Variants in ANKRD45 observed in about 807,000 individuals in gnomAD.
ANKRD45 encodes ankyrin repeat domain 45, also known as ankyrin repeat domain-containing protein 45.
In ANKRD45, 21 loss-of-function variants were observed where a neutral mutation model predicts 28.1. The observed-to-expected ratio is 0.75, with a 90% CI of 0.53 to 1.08. The LOEUF is 1.08. Ranked by LOEUF, ANKRD45 falls within the 50% of genes least tolerant of loss-of-function variation. The pLI is 0.00. For synonymous variants in ANKRD45, 86 were observed against 103.9 expected (o/e 0.83, Z 1.05); for missense variants, 261 against 308.7 (o/e 0.85, Z 1.16).
intron 1 of ANKRD45, among the ~76,000 whole-genome samples, chr1:173,662,823 G>C (rs1669839319): frequency 6.6e-6 from 1 of 152,056 alleles, no homozygotes. Flanking sequence ...TAAGAGGAGA[G>C]GGAGGAAAAA....
At chr1:173,696,885 T>C in the ANKRD45 span, among the ~76,000 whole-genome samples, 3 of 152,120 alleles carry the variant, frequency 2.0e-5, no homozygotes. Context: ...AAGGAGCATG[T>C]TCAAACCCAC....
intron 3 of ANKRD45, among the ~76,000 whole-genome samples, chr1:173,628,896 T>C (rs901468762): frequency 1.3e-5 from 2 of 152,188 alleles, no homozygotes; most frequent in Non-Finnish European, 2.9e-5. Flanking sequence ...CAGGGGTGCT[T>C]GTCTTACCCC....
intron 3 of ANKRD45, among the ~76,000 whole-genome samples, chr1:173,640,986 T>A (rs1348512982): frequency 1.3e-5 from 2 of 152,222 alleles, no homozygotes; most frequent in Non-Finnish European, 2.9e-5. Flanking sequence ...TTCACTTCTA[T>A]GGTATGGGGA....
the ANKRD45 span, among the ~76,000 whole-genome samples, chr1:173,714,227 T>C: frequency 2.0e-5 from 3 of 152,210 alleles, no homozygotes; most frequent in South Asian, 2.1e-4. Flanking sequence ...TTCTAAATAT[T>C]AATATACGGT....
chr1:173,628,837 C>A lies in ANKRD45; in HGVS notation c.497-1678G>T, dbSNP rs563668794. On this transcript the variant is annotated intron_variant, in intron 3 of 5. Coordinates refer to ENST00000333279, the MANE Select transcript of ANKRD45 (RefSeq NM_198493.3). ...CACAGGCCTTGGGCAAGACCCAGTGCCATGCTGGCTTCAGGTCTGACCCAG... is the reference window on the plus strand; with the variant it reads ...CACAGGCCTTGGGCAAGACCCAGTGACATGCTGGCTTCAGGTCTGACCCAG... 1.1e-3 allele frequency among the ~76,000 whole-genome samples: 169 copies of A among 152,312 alleles called. 3 individuals carry two copies. Among genetic ancestry groups the A allele is most frequent in the Admixed American group, 9.7e-3 (149 of 15,300 alleles).
chr1:173,706,729 T>A, the ANKRD45 span, among the ~76,000 whole-genome samples: 1 of 152,172 alleles, frequency 6.6e-6, no homozygotes, highest in Non-Finnish European at 1.5e-5. Context: ...GTCTTTTAGA[T>A]TCTTTCTAAT....
chr1:173,636,782 T>C, intron 3 of ANKRD45: 2 of 1,360,364 alleles, frequency 1.5e-6, no homozygotes, highest in Non-Finnish European at 2.0e-6. Flanking sequence ...TATTGAACTC[T>C]ACTGTTTTAT....
At chr1:173,669,995 T>C, upstream of ANKRD45, 1 of 166,536 alleles carries the variant, frequency 6.0e-6, no homozygotes. Flanking sequence ...GGGTGGCGTG[T>C]CGGTTTTTTC....
chr1:173,637,045 A>C (rs1283440772), intron 3 of ANKRD45: 5 of 1,453,470 alleles, frequency 3.4e-6, no homozygotes, highest in Non-Finnish European at 2.8e-6. Context: ...AAATAAATGC[A>C]TATGCAAATG....
the ANKRD45 span, among the ~76,000 whole-genome samples, chr1:173,703,238 C>T: frequency 2.0e-5 from 3 of 150,054 alleles, no homozygotes; most frequent in Non-Finnish European, 4.4e-5. Flanking sequence ...GAGTCTTGCT[C>T]TGTCGCCCAG....
At chr1:173,690,260 G>C in the ANKRD45 span, among the ~76,000 whole-genome samples, 2 of 152,014 alleles carry the variant, frequency 1.3e-5, no homozygotes, top group Non-Finnish European at 2.9e-5. Flanking sequence ...CCAAGAGTCA[G>C]GGTTATAAGG....
intron 5 of ANKRD45, among the ~76,000 whole-genome samples, chr1:173,621,251 T>C (rs1667689406): frequency 6.6e-6 from 1 of 152,206 alleles, no homozygotes; most frequent in Admixed American, 6.5e-5. Context: ...GTACCATCTC[T>C]ACTGAAACTA....
chr1:173,672,035 T>C (rs931667220), upstream of ANKRD45, among the ~76,000 whole-genome samples: 1 of 152,186 alleles, frequency 6.6e-6, no homozygotes, highest in African/African-American at 2.4e-5. Flanking sequence ...AAAACTTGCC[T>C]CGGTCTCTTC....
At chr1:173,688,699 CT>C in the ANKRD45 span, among the ~76,000 whole-genome samples, 1 of 124,694 alleles carries the variant, frequency 8.0e-6, no homozygotes, top group African/African-American at 4.2e-5. Flanking sequence ...TTTCCTCTCT[CT>C]CTTTCTGCCT....
chr1:173,707,279 G>C, the ANKRD45 span, among the ~76,000 whole-genome samples: 1 of 149,576 alleles, frequency 6.7e-6, no homozygotes, highest in African/African-American at 2.5e-5. Flanking sequence ...TTTTTATGCA[G>C]TCAAATTAAT....
the ANKRD45 span, among the ~76,000 whole-genome samples, chr1:173,691,071 C>T: frequency 6.6e-6 from 1 of 152,232 alleles, no homozygotes; most frequent in Non-Finnish European, 1.5e-5. Context: ...GCCACCCCAA[C>T]CAAGGAGTAC....
rs188095000 is a variant in ANKRD45, at chr1:173,609,574, A to G, written c.*571T>C. 5.2e-5 allele frequency: 8 copies of G among 152,632 alleles called. No individual in the cohort carries two copies. The highest frequency in any genetic ancestry group is 1.9e-4 in the African/African-American group (8 of 41,582). The allele number at this position is 152,632 out of a possible 1,614,324, so 9.5% of individuals were successfully genotyped here. ...GGAGAACTCTTCTAAGTATAAAACT[A>G]TACAGATTTGTGTTTATTAATTTAC... is the stretch of plus-strand genomic sequence containing the variant. On this transcript the variant is annotated 3_prime_UTR_variant, in exon 6 of 6. Coordinates refer to ENST00000333279, the MANE Select transcript of ANKRD45 (RefSeq NM_198493.3).
chr1:173,627,054 C>A lies in ANKRD45; in HGVS notation c.591+11G>T. On this transcript the variant is annotated intron_variant, in intron 4 of 5. Coordinates refer to ENST00000333279, the MANE Select transcript of ANKRD45 (RefSeq NM_198493.3). ...AACACTACAGAACAAGCAATAATCA[C>A]AATACAGTACCTTGTCTTCCTTAAG... 1 of 1,573,596 alleles carries A rather than the reference C, an allele frequency of 6.4e-7. No individual in the cohort carries two copies.
intron 3 of ANKRD45, among the ~76,000 whole-genome samples, chr1:173,636,027 T>C (rs1470993518): frequency 1.3e-5 from 2 of 152,140 alleles, no homozygotes; most frequent in East Asian, 3.8e-4. Flanking sequence ...AACAAATGTG[T>C]ATTGAATTAG....
Sources: allele counts gnomAD v4.1 joint callset (sites outside exome capture counted in the v4.1 genomes callset), GRCh38; gene constraint gnomAD v4.1.1; transcripts MANE v1.5; gene names NCBI Gene and HGNC (gene_info 2026-07-23, HGNC 2026-07-21).